MEGF9: variants seen among roughly 807,000 people sequenced by gnomAD.
The protein encoded by MEGF9 is multiple epidermal growth factor-like domains protein 9.
Under a neutral mutation model 46.8 loss-of-function variants are expected in MEGF9, and 6 were observed. The ratio of observed to expected loss-of-function variants is 0.13; its 90% CI spans 0.07 to 0.25. The LOEUF (loss-of-function observed/expected upper bound fraction) is 0.25. Ranked by LOEUF, MEGF9 falls within the 10% of genes least tolerant of loss-of-function variation. MEGF9 has a pLI of 1.00. For missense variants in MEGF9, 683 were observed against 792.4 expected, an observed-to-expected ratio of 0.86 and a Z score of 1.66; for synonymous variants, 302 against 330.7, an observed-to-expected ratio of 0.91 and a Z score of 0.94.
At chr9:120,608,794 A>T (rs1203244250) in intron 4 of MEGF9, among the ~76,000 whole-genome samples, 2 of 152,188 alleles carry the variant, frequency 1.3e-5, no homozygotes, top group Non-Finnish European at 2.9e-5. Flanking sequence ...ATAAGCCAAA[A>T]CACTGAGAAT....
intron 1 of MEGF9, among the ~76,000 whole-genome samples, chr9:120,674,497 G>A (rs977253922): frequency 5.9e-5 from 9 of 152,084 alleles, no homozygotes; most frequent in African/African-American, 1.7e-4. Flanking sequence ...CCACAATGCT[G>A]AGGAAGTAGA....
chr9:120,619,203 C>G (rs554004941), intron 3 of MEGF9, among the ~76,000 whole-genome samples: 1 of 150,270 alleles, frequency 6.7e-6, no homozygotes, highest in Admixed American at 6.6e-5. Context: ...AAAAATTAGC[C>G]GGGCGTGGTG....
intron 2 of MEGF9, among the ~76,000 whole-genome samples, chr9:120,625,231 C>A (rs937354202): frequency 4.6e-5 from 7 of 152,222 alleles, no homozygotes; most frequent in African/African-American, 1.4e-4. Flanking sequence ...ACTGCCTAGG[C>A]AGAGCTGATT....
chr9:120,620,306 G>C (rs2043493233), intron 3 of MEGF9, among the ~76,000 whole-genome samples: 1 of 152,122 alleles, frequency 6.6e-6, no homozygotes, highest in Non-Finnish European at 1.5e-5. Context: ...AAGTATTCCT[G>C]TTGTTACTCA....
At chr9:120,683,659 A>T (rs1234647484) in intron 1 of MEGF9, among the ~76,000 whole-genome samples, 7 of 152,196 alleles carry the variant, frequency 4.6e-5, no homozygotes, top group Admixed American at 4.6e-4. Context: ...CCCAGTCTCA[A>T]GTAGTTCTTT....
At chr9:120,651,274 T>C (rs77094718) in intron 2 of MEGF9, among the ~76,000 whole-genome samples, 3,606 of 152,308 alleles carry the variant, frequency 0.024, 155 homozygotes, top group African/African-American at 0.083. Context: ...GAAGAAATTT[T>C]TAGAAAATAT....
chr9:120,667,570 T>G (rs2043730720), intron 1 of MEGF9, among the ~76,000 whole-genome samples: 1 of 152,210 alleles, frequency 6.6e-6, no homozygotes, highest in African/African-American at 2.4e-5. Context: ...CTATCTAATC[T>G]ATCCAACAAA....
At chr9:120,683,938 A>T (rs1459964049) in intron 1 of MEGF9, among the ~76,000 whole-genome samples, 1 of 152,148 alleles carries the variant, frequency 6.6e-6, no homozygotes, top group African/African-American at 2.4e-5. Context: ...AAGGAAAAAA[A>T]TTTAAAAATA....
In MEGF9 at chr9:120,605,054, A is replaced by C; in HGVS notation, c.*136T>G. 1 of 828,794 alleles carries C rather than the reference A, an allele frequency of 1.2e-6. No homozygotes were observed. Among genetic ancestry groups the C allele is most frequent in the Non-Finnish European group, 1.9e-6 (1 of 539,036 alleles). 51.3% of individuals were successfully genotyped at this position (828,794 alleles called of 1,614,324 possible). A position where few individuals can be genotyped will look rare whatever the true frequency, so the allele number is the denominator to read the frequency against. On this transcript the variant is annotated 3_prime_UTR_variant, in exon 6 of 6. Coordinates refer to ENST00000373930, the MANE Select transcript of MEGF9 (RefSeq NM_001080497.3). This position sits in a 1 kb window ranked among gnomAD's most constrained non-coding sequence, Gnocchi z 4.0. ...AATAGATAGGCTAAGCGCATTACAA[A>C]TTTGTACCTGAAAATTTCAGATGCA... is the stretch of plus-strand genomic sequence containing the variant.
chr9:120,703,468 C>G (rs1318199827), intron 1 of MEGF9, among the ~76,000 whole-genome samples: 4 of 152,172 alleles, frequency 2.6e-5, no homozygotes. Context: ...GATTTAACTA[C>G]TGCATTGTTT....
At chr9:120,675,040 G>A (rs933501771) in intron 1 of MEGF9, among the ~76,000 whole-genome samples, 3 of 152,014 alleles carry the variant, frequency 2.0e-5, no homozygotes, top group African/African-American at 7.3e-5. Flanking sequence ...CATCATGTCT[G>A]GCTAATTTTT....
At chr9:120,711,551 T>A (rs2043953088) in intron 1 of MEGF9, among the ~76,000 whole-genome samples, 1 of 152,188 alleles carries the variant, frequency 6.6e-6, no homozygotes, top group Non-Finnish European at 1.5e-5. Flanking sequence ...AAGGAGTGAC[T>A]TTCCCTTTTT....
intron 1 of MEGF9, among the ~76,000 whole-genome samples, chr9:120,664,590 C>T (rs1479255195): frequency 6.6e-6 from 1 of 152,184 alleles, no homozygotes; most frequent in Non-Finnish European, 1.5e-5. Context: ...AAAATTATTG[C>T]ATTTAAGCAT....
intron 2 of MEGF9, among the ~76,000 whole-genome samples, chr9:120,653,374 A>AT (rs755931608): frequency 0.011 from 1,544 of 139,134 alleles, 25 homozygotes; most frequent in African/African-American, 0.035. Flanking sequence ...TATTTATTTT[A>AT]TTTATTTTTT....
At position 120,605,116 on chromosome 9, in the gene MEGF9, G is replaced by C; in HGVS notation, c.*74C>G. 1 of 1,444,522 alleles carries C rather than the reference G, an allele frequency of 6.9e-7. No individual in the cohort carries two copies. The highest frequency in any genetic ancestry group is 1.4e-5 in the African/African-American group (1 of 70,388). The allele number at this position is 1,444,522 out of a possible 1,614,324, so 89.5% of individuals were successfully genotyped here. ...TGCTTTCTCAGCAAACTCTAGCCAG[G>C]CTTTGTCTGGCCCAGGGGCTGACTC... On this transcript the variant is annotated 3_prime_UTR_variant, in exon 6 of 6. Transcript: ENST00000373930. This position sits in a 1 kb window ranked among gnomAD's most constrained non-coding sequence, Gnocchi z 4.0.
chr9:120,682,696 C>T (rs1044353836), intron 1 of MEGF9, among the ~76,000 whole-genome samples: 8 of 152,146 alleles, frequency 5.3e-5, no homozygotes, highest in African/African-American at 1.9e-4. Context: ...CATCCTCCTA[C>T]CTCAGCGTCC....
At position 120,605,468 on chromosome 9, in the gene MEGF9, T is replaced by C; in HGVS notation, c.1531A>G (p.Thr511Ala). 1.2e-6 allele frequency: 2 copies of C among 1,613,960 alleles called. No individual in the cohort carries two copies. Among genetic ancestry groups the C allele is most frequent in the African/African-American group, 1.3e-5 (1 of 75,034 alleles). Residue 511 changes from threonine (T) to alanine (A), a missense_variant, in exon 6 of 6, where the codon ACC becomes GCC. Thr to Ala is a moderately conservative substitution (Grantham distance 58). This residue lies in a region of MEGF9 where 313 missense variants were observed against 421.1 expected (regional missense o/e 0.74). Coordinates refer to ENST00000373930, the MANE Select transcript of MEGF9 (RefSeq NM_001080497.3). This position sits in a 1 kb window ranked among gnomAD's most constrained non-coding sequence, Gnocchi z 4.0. ...STSALADVSW[T>A]QFNIIILTVI... ...GTCAAAATGATGATGTTAAATTGGG[T>C]CCATGATACATCAGCTAAAGCTGAA... is the stretch of plus-strand genomic sequence containing the variant.
chr9:120,623,491 A>G (rs2043510779), intron 2 of MEGF9, among the ~76,000 whole-genome samples: 1 of 152,230 alleles, frequency 6.6e-6, no homozygotes, highest in Non-Finnish European at 1.5e-5. Context: ...TCAGAGATAG[A>G]AGCCCAAATA....
At chr9:120,606,767 G>A (rs1377049844) in intron 5 of MEGF9, among the ~76,000 whole-genome samples, 1 of 152,058 alleles carries the variant, frequency 6.6e-6, no homozygotes, top group East Asian at 1.9e-4. Flanking sequence ...AATGCTTACG[G>A]TGCTTGGCAT....
Sources: allele counts gnomAD v4.1 joint callset (sites outside exome capture counted in the v4.1 genomes callset), GRCh38; gene constraint gnomAD v4.1.1; regional missense constraint gnomAD v4.1.1; non-coding constraint Gnocchi (gnomAD v3.1); transcripts MANE v1.5; gene names NCBI Gene and HGNC (gene_info 2026-07-23, HGNC 2026-07-21).